The following LDB1 variants were observed in gnomAD, a reference collection of about 807,000 sequenced individuals.
LDB1 encodes the protein LIM domain binding 1.
In LDB1, 6 loss-of-function variants were observed where a neutral mutation model predicts 49.7. That is an observed-to-expected ratio of 0.12 (90% CI 0.07 to 0.24). The LOEUF is 0.24. Among genes scored for constraint, LDB1 ranks in the 10% least tolerant of loss-of-function variants. LDB1 has a pLI of 1.00. For missense variants in LDB1, 341 were observed against 561.7 expected (o/e 0.61, Z 3.97); for synonymous variants, 233 against 202.0 (o/e 1.15, Z -1.30).
At position 102,110,618 on chromosome 10, in the gene LDB1, G is replaced by T; in HGVS notation, c.436C>A (p.Pro146Thr). The T allele has an allele frequency of 6.2e-7, 1 of 1,614,008 alleles. No homozygotes were observed. The highest frequency in any genetic ancestry group is 1.7e-5 in the Admixed American group (1 of 59,994). ...AAGTTGCTGTGGAATGCCTCCTTGG[G>T]GTGCTTAAGAACATAGTACAGCTCC... ...ATELYYVLKH[P>T]KEAFHSNFVS... The change falls in exon 6 of 11, where the codon CCC becomes ACC. Residue 146 changes from proline to threonine, a missense_variant. This residue lies in a region of LDB1 where 233 missense variants were observed against 385.7 expected (regional missense o/e 0.60). Transcript: ENST00000673968.
At chr10:102,114,931 T>C in intron 1 of LDB1, 2 of 772,542 alleles carry the variant, frequency 2.6e-6, no homozygotes, top group Non-Finnish European at 3.1e-6. Context: ...GCCCGCCGGC[T>C]GCCTGCCTTT....
chr10:102,119,968 C>G (rs904971565), intron 1 of LDB1, 118 bp downstream of exon 1: 5 of 731,600 alleles, frequency 6.8e-6, no homozygotes, highest in Admixed American at 3.9e-5. Flanking sequence ...GCCCTTCCAG[C>G]CCCCGGCTTC....
At chr10:102,119,714 A>T (rs977737017) in intron 1 of LDB1, among the ~76,000 whole-genome samples, 50 of 144,606 alleles carry the variant, frequency 3.5e-4, no homozygotes, top group African/African-American at 1.3e-3. Flanking sequence ...GGGGCAGCCC[A>T]AACCAGCCAA....
At chr10:102,120,615 G>A (rs2133542063), upstream of LDB1, among the ~76,000 whole-genome samples, 1 of 152,276 alleles carries the variant, frequency 6.6e-6, no homozygotes, top group Admixed American at 6.5e-5. Context: ...CGCGCGGCGG[G>A]CGGGCGGCGA....
intron 3 of LDB1, 50 bp downstream of exon 3, chr10:102,111,206 C>A (rs2786841): frequency 6.2e-7 from 1 of 1,611,860 alleles, no homozygotes; most frequent in South Asian, 1.1e-5. Context: ...CCCCCTACCT[C>A]GGCCTTCACC....
At position 102,110,568 on chromosome 10, in the gene LDB1, G is replaced by T. The variant is rs752057091; in HGVS notation, c.486C>A (p.Gly162=). The part of the protein sequence containing the change: ...SNFVSLDCDQ[G]SMVTQHGKPM... ...GCTTGCCATGCTGGGTCACCATGCT[G>T]CCCTGGTCACAGTCGAGGGACACAA... Residue 162 remains glycine, a synonymous_variant, in exon 6 of 11, where the codon GGC becomes GGA. Transcript: ENST00000673968. The T allele has an allele frequency of 6.2e-7, 1 of 1,613,974 alleles. No homozygotes were observed. Among genetic ancestry groups the T allele is most frequent in the African/African-American group, 1.3e-5 (1 of 75,032 alleles).
intron 1 of LDB1, among the ~76,000 whole-genome samples, chr10:102,111,905 T>C (rs2068260898): frequency 6.6e-6 from 1 of 152,134 alleles, no homozygotes; most frequent in African/African-American, 2.4e-5. Flanking sequence ...ATAATCCTGC[T>C]AGACTGTGTG....
downstream of LDB1, among the ~76,000 whole-genome samples, chr10:102,102,267 CAAT>C (rs2068127828): frequency 6.6e-6 from 1 of 152,176 alleles, no homozygotes; most frequent in South Asian, 2.1e-4. Context: ...GTGCATGGAA[CAAT>C]GATGAGAGTG....
rs769800584 is a variant in LDB1 at position 102,109,028 on chromosome 10, C to A, written c.1005+1G>T. ...AGAGAGAAGAAAGCCGAGATGCTTA[C>A]AGGTACCTGGCTGGAGAGGGCGAAG... On this transcript the variant is annotated splice_donor_variant, in intron 10 of 10. Transcript: ENST00000673968. LOFTEE classifies it high-confidence loss of function. This position sits in a 1 kb window ranked among gnomAD's most constrained non-coding sequence, Gnocchi z 5.8. The A allele has an allele frequency of 4.3e-6, 7 of 1,614,238 alleles. No homozygotes were observed. The highest frequency in any genetic ancestry group is 5.9e-6 in the Non-Finnish European group (7 of 1,180,042).
At chr10:102,114,653 C>A in intron 1 of LDB1, 2 of 962,756 alleles carry the variant, frequency 2.1e-6, no homozygotes, top group Non-Finnish European at 2.5e-6. Context: ...GGGCCGGGGG[C>A]CAGGGGGCCG....
At chr10:102,113,630 C>T (rs2068287360) in intron 1 of LDB1, among the ~76,000 whole-genome samples, 1 of 152,120 alleles carries the variant, frequency 6.6e-6, no homozygotes. Flanking sequence ...CCTCATCCCC[C>T]AACTAGGCCA....
At chr10:102,106,264 C>A (rs895969303), downstream of LDB1, among the ~76,000 whole-genome samples, 1 of 151,982 alleles carries the variant, frequency 6.6e-6, no homozygotes, top group Admixed American at 6.6e-5. Flanking sequence ...AAAGCCAACT[C>A]TCCCTCAACT....
chr10:102,114,539 G>A, intron 1 of LDB1: 3 of 985,946 alleles, frequency 3.0e-6, no homozygotes, highest in African/African-American at 3.5e-5. Context: ...AGGCCCGACT[G>A]GGAGCTCCAG....
chr10:102,116,139 T>C (rs2068333660), intron 1 of LDB1, among the ~76,000 whole-genome samples: 1 of 152,172 alleles, frequency 6.6e-6, no homozygotes, highest in Admixed American at 6.5e-5. Flanking sequence ...AAATAACACA[T>C]CTCACTTTCA....
chr10:102,114,052 G>T (rs1237033860), intron 1 of LDB1, among the ~76,000 whole-genome samples: 1 of 152,234 alleles, frequency 6.6e-6, no homozygotes, highest in Non-Finnish European at 1.5e-5. Flanking sequence ...AAGGTGGGGG[G>T]ACGGAGGAGA....
chr10:102,117,614 C>T lies in LDB1; in HGVS notation c.25+2472G>A, dbSNP rs1050022712. Reference sequence around the variant, plus strand: ...CTTCCTTTGTCTGTGCCCGGCCTCCCGTTGGCCTGGCGCTCTGCCATCCTC... The same window carrying T: ...CTTCCTTTGTCTGTGCCCGGCCTCCTGTTGGCCTGGCGCTCTGCCATCCTC... On this transcript the variant is annotated intron_variant, in intron 1 of 10. Coordinates refer to ENST00000673968, the MANE Select transcript of LDB1 (RefSeq NM_001113407.3). This position sits in a 1 kb window ranked among gnomAD's most constrained non-coding sequence, Gnocchi z 4.2. Among the ~76,000 whole-genome samples the T allele has an allele frequency of 3.5e-4, 53 of 152,242 alleles. No individual in the cohort carries two copies. The highest frequency in any genetic ancestry group is 1.0e-3 in the African/African-American group (42 of 41,554).
rs1351873438 is a variant in LDB1 at position 102,108,169 on chromosome 10, T to C, written c.1160A>G (p.Asn387Ser). The C allele has an allele frequency of 1.9e-6, 3 of 1,614,118 alleles. No individual in the cohort carries two copies. The highest frequency in any genetic ancestry group is 1.1e-5 in the South Asian group (1 of 91,092). The change falls in exon 11 of 11, where the codon AAC becomes AGC. Residue 387 changes from asparagine (N) to serine (S), a missense_variant. Physicochemically the swap from Asn to Ser is conservative, Grantham distance 46. Around this residue, in one of 5 missense-constraint regions of LDB1, gnomAD observed 46 missense variants for 62.9 expected, o/e 0.73. Transcript: ENST00000673968. The part of the protein sequence containing the change: ...SFNNSPALGA[N>S]SPWNSKPPSS... Reference sequence around the variant, plus strand: ...CGGAGGCTTGCTGTTCCAGGGGCTGTTGGCGCCCAGTGCAGGGGAGTTGTT... The same window carrying C: ...CGGAGGCTTGCTGTTCCAGGGGCTGCTGGCGCCCAGTGCAGGGGAGTTGTT...
chr10:102,111,566 G>A (rs1475925347), intron 1 of LDB1, 30 bp from the exon 2 acceptor site: 18 of 1,356,646 alleles, frequency 1.3e-5, no homozygotes, highest in Non-Finnish European at 1.8e-5. Flanking sequence ...GTCATAGCTG[G>A]GCGCGGTGGC....
At chr10:102,102,394 AT>A (rs1213043781), downstream of LDB1, among the ~76,000 whole-genome samples, 1 of 152,198 alleles carries the variant, frequency 6.6e-6, no homozygotes, top group Non-Finnish European at 1.5e-5. Context: ...GTTGGGGGTG[AT>A]GGGGAGAAGA....
Sources: gnomAD v4.1 joint callset for allele counts (sites outside exome capture counted in the v4.1 genomes callset) on GRCh38, gnomAD v4.1.1 for gene constraint, gnomAD v4.1.1 regional missense constraint, Gnocchi (gnomAD v3.1) non-coding constraint, MANE v1.5 for transcripts, NCBI Gene and HGNC (gene_info 2026-07-23, HGNC 2026-07-21) for gene names.